EDA: variants seen among roughly 807,000 people sequenced by gnomAD.
The protein encoded by EDA is ectodysplasin A, also known as ectodysplasin-A.
In EDA, 2 loss-of-function variants were observed where a neutral mutation model predicts 23.6. That is an observed-to-expected ratio of 0.08 (90% CI 0.03 to 0.27). EDA has a LOEUF of 0.27. Among genes scored for constraint, EDA ranks in the 10% least tolerant of loss-of-function variants. EDA has a pLI of 1.00. For synonymous variants in EDA, 131 were observed against 132.0 expected (o/e 0.99, Z 0.05); for missense variants, 229 against 324.2 (o/e 0.71, Z 2.26).
intron 1 of EDA, among the ~76,000 whole-genome samples, chrX:69,755,196 T>C (rs2014064035): frequency 8.9e-6 from 1 of 111,974 alleles, no homozygotes; most frequent in Non-Finnish European, 1.9e-5. Context: ...TGTGGTTTTA[T>C]CTACCTTTGG....
chrX:69,970,494 T>G (rs753695239), intron 2 of EDA, among the ~76,000 whole-genome samples: 5 of 111,002 alleles, frequency 4.5e-5, no homozygotes, highest in African/African-American at 1.6e-4. Context: ...TTCAAGCACC[T>G]TAATCTCTTA....
At chrX:69,679,604 G>A (rs916370357) in intron 1 of EDA, among the ~76,000 whole-genome samples, 1 of 111,996 alleles carries the variant, frequency 8.9e-6, no homozygotes, top group Non-Finnish European at 1.9e-5. Flanking sequence ...TAGTGTATTT[G>A]TGTAGAGGTG....
chrX:69,795,648 T>C (rs1235593519), intron 1 of EDA, among the ~76,000 whole-genome samples: 2 of 113,045 alleles, frequency 1.8e-5, no homozygotes, highest in Non-Finnish European at 3.7e-5. Flanking sequence ...CCATCAGGGC[T>C]AAGAGGCAAG....
intron 1 of EDA, among the ~76,000 whole-genome samples, chrX:69,913,476 C>T (rs1451984514): frequency 1.8e-5 from 2 of 112,366 alleles, no homozygotes; most frequent in African/African-American, 3.2e-5. Context: ...CTTCTTTCAG[C>T]CTTCACAGAG....
At chrX:69,922,688 T>C (rs1485773280) in intron 1 of EDA, among the ~76,000 whole-genome samples, 2 of 111,729 alleles carry the variant, frequency 1.8e-5, no homozygotes, top group African/African-American at 3.3e-5. Context: ...TAGAAAAAGG[T>C]TTAAAATTCA....
At chrX:69,783,083 G>T (rs1427432643) in intron 1 of EDA, among the ~76,000 whole-genome samples, 1 of 111,536 alleles carries the variant, frequency 9.0e-6, no homozygotes, top group East Asian at 2.8e-4. Context: ...TATAGAAAAG[G>T]AATTAACATC....
intron 1 of EDA, among the ~76,000 whole-genome samples, chrX:69,738,383 T>A (rs892494113): frequency 9.1e-6 from 1 of 109,997 alleles, no homozygotes; most frequent in African/African-American, 3.3e-5. Flanking sequence ...TTTTAGTTAT[T>A]TGATTCTTCT....
At chrX:69,926,622 A>G (rs752366237) in intron 1 of EDA, among the ~76,000 whole-genome samples, 1 of 112,224 alleles carries the variant, frequency 8.9e-6, no homozygotes, top group East Asian at 2.8e-4. Context: ...ACTGAGAAGA[A>G]TGTATATTTT....
chrX:69,678,860 G>C (rs1424624623), intron 1 of EDA, among the ~76,000 whole-genome samples: 7 of 85,635 alleles, frequency 8.2e-5, no homozygotes, highest in African/African-American at 1.9e-4. Context: ...CCAACACTAT[G>C]TTGAATAGGA....
intron 1 of EDA, among the ~76,000 whole-genome samples, chrX:69,835,618 CT>C (rs1396472125): frequency 1.8e-5 from 2 of 111,045 alleles, no homozygotes; most frequent in African/African-American, 6.6e-5. Flanking sequence ...TTTGTCTAAT[CT>C]TTTTTCAAGG....
At chrX:69,767,088 T>C (rs749489338) in intron 1 of EDA, among the ~76,000 whole-genome samples, 1 of 111,700 alleles carries the variant, frequency 9.0e-6, no homozygotes. Context: ...GCCATTTTCC[T>C]AGTCCTTTGG....
At chrX:69,831,006 G>A (rs1323268825) in intron 1 of EDA, among the ~76,000 whole-genome samples, 1 of 111,416 alleles carries the variant, frequency 9.0e-6, no homozygotes, top group East Asian at 2.8e-4. Flanking sequence ...GGCAGTAAAA[G>A]TACCTGTTGT....
intron 1 of EDA, among the ~76,000 whole-genome samples, chrX:69,857,177 G>A (rs1034653302): frequency 1.8e-5 from 2 of 111,617 alleles, no homozygotes; most frequent in African/African-American, 6.5e-5. Context: ...AGATCAGTTG[G>A]CTGTAAGTAT....
At chrX:69,616,883 C>T (rs1346261101) in intron 1 of EDA, 179 bp downstream of exon 1, 3 of 596,109 alleles carry the variant, frequency 5.0e-6, no homozygotes, top group Non-Finnish European at 7.8e-6. Flanking sequence ...GGTCCCTGGC[C>T]CAGCTAATCC....
intron 2 of EDA, 178 bp from the exon 3 acceptor site, chrX:70,023,040 G>A: frequency 3.0e-6 from 1 of 337,830 alleles, no homozygotes; most frequent in Admixed American, 5.0e-5. Flanking sequence ...GGCCTCAGGA[G>A]TCAGAAGACA....
chrX:69,624,848 C>T (rs1932323526), intron 1 of EDA, among the ~76,000 whole-genome samples: 1 of 108,716 alleles, frequency 9.2e-6, no homozygotes, highest in Admixed American at 9.8e-5. Flanking sequence ...CAGCCAATGA[C>T]CTTAGGAGAA....
chrX:69,838,858 G>A (rs994987470), intron 1 of EDA, among the ~76,000 whole-genome samples: 1 of 111,693 alleles, frequency 9.0e-6, no homozygotes, highest in Non-Finnish European at 1.9e-5. Flanking sequence ...CAGATTATCA[G>A]AACTCTCATT....
chrX:69,850,262 C>T (rs1032108970), intron 1 of EDA, among the ~76,000 whole-genome samples: 1 of 112,167 alleles, frequency 8.9e-6, no homozygotes, highest in African/African-American at 3.2e-5. Context: ...GGACAGATGA[C>T]AGCATACAAC....
chrX:69,710,834 A>G (rs1323440075), intron 1 of EDA, among the ~76,000 whole-genome samples: 2 of 111,678 alleles, frequency 1.8e-5, no homozygotes, highest in Non-Finnish European at 3.8e-5. Flanking sequence ...ATTTTTGCAC[A>G]TTGATTTTGT....
Sources: allele counts gnomAD v4.1 joint callset (sites outside exome capture counted in the v4.1 genomes callset), GRCh38; gene constraint gnomAD v4.1.1; transcripts MANE v1.5; gene names NCBI Gene and HGNC (gene_info 2026-07-23, HGNC 2026-07-21).